Variants in FAT3 observed in about 807,000 individuals in gnomAD.
The protein encoded by FAT3 is protocadherin Fat 3.
FAT3 carries 95 observed loss-of-function variants against 310.2 expected under a neutral mutation model. The observed-to-expected ratio is 0.31, with a 90% CI of 0.26 to 0.36. The LOEUF (loss-of-function observed/expected upper bound fraction) is 0.36. FAT3 is among the 10% of genes least tolerant of loss of function. FAT3 has a pLI of 1.00. For missense variants in FAT3, 5,408 were observed against 5,715.6 expected, an observed-to-expected ratio of 0.95 and a Z score of 1.74; for synonymous variants, 2,314 against 2,192.9, an observed-to-expected ratio of 1.06 and a Z score of -1.54.
intron 2 of FAT3, among the ~76,000 whole-genome samples, chr11:92,437,279 A>G (rs1336055023): frequency 6.6e-6 from 1 of 152,184 alleles, no homozygotes; most frequent in Non-Finnish European, 1.5e-5. Flanking sequence ...TTTGGTAGTA[A>G]TTTAACCCAC....
At chr11:92,569,255 G>A (rs1200663542) in intron 3 of FAT3, among the ~76,000 whole-genome samples, 2 of 152,134 alleles carry the variant, frequency 1.3e-5, no homozygotes, top group Non-Finnish European at 2.9e-5. Flanking sequence ...TCAGTAAAAT[G>A]AAGATAACAA....
intron 3 of FAT3, among the ~76,000 whole-genome samples, chr11:92,580,433 A>G (rs1314636198): frequency 2.0e-5 from 3 of 151,980 alleles, no homozygotes; most frequent in Non-Finnish European, 4.4e-5. Context: ...TCTTTCTCCA[A>G]TCCTTTCCTC....
intron 1 of FAT3, among the ~76,000 whole-genome samples, chr11:92,267,615 A>G (rs1290763915): frequency 6.6e-6 from 1 of 152,052 alleles, no homozygotes; most frequent in Non-Finnish European, 1.5e-5. Flanking sequence ...AAAGAAAATG[A>G]TCTACCAGTT....
At chr11:92,436,986 T>C (rs748460337) in intron 2 of FAT3, among the ~76,000 whole-genome samples, 167 of 152,346 alleles carry the variant, frequency 1.1e-3, no homozygotes, top group Middle Eastern at 3.4e-3. Flanking sequence ...AGCCCTGTCT[T>C]TGGATGTTTA....
chr11:92,627,696 G>C (rs1941388965), intron 3 of FAT3, among the ~76,000 whole-genome samples: 1 of 152,186 alleles, frequency 6.6e-6, no homozygotes, highest in Admixed American at 6.5e-5. Context: ...ACTCTCTTTA[G>C]ACGTTCCTTA....
At chr11:92,843,588 C>T (rs78547936) in intron 18 of FAT3, among the ~76,000 whole-genome samples, 2,174 of 152,310 alleles carry the variant, frequency 0.014, 18 homozygotes, top group Non-Finnish European at 0.024. Context: ...GGAAAGACCA[C>T]TTTATGAGGT....
chr11:92,703,939 C>T (rs1051206031), intron 4 of FAT3, among the ~76,000 whole-genome samples: 2 of 152,178 alleles, frequency 1.3e-5, no homozygotes, highest in African/African-American at 2.4e-5. Context: ...TGTGCTCTCA[C>T]GTTATATAGA....
chr11:92,229,237 A>G (rs1864043969), intron 1 of FAT3, among the ~76,000 whole-genome samples: 1 of 152,142 alleles, frequency 6.6e-6, no homozygotes, highest in Non-Finnish European at 1.5e-5. Context: ...ACTGTTGAAT[A>G]TGTCATTTTC....
intron 4 of FAT3, among the ~76,000 whole-genome samples, chr11:92,728,439 G>C (rs889065016): frequency 6.6e-6 from 1 of 152,172 alleles, no homozygotes; most frequent in Non-Finnish European, 1.5e-5. Flanking sequence ...TTTGCTTGCA[G>C]TGTTTACAAA....
intron 3 of FAT3, among the ~76,000 whole-genome samples, chr11:92,659,368 A>G (rs1024900464): frequency 2.0e-5 from 3 of 152,210 alleles, no homozygotes; most frequent in Non-Finnish European, 4.4e-5. Context: ...TTTGTTGTAC[A>G]TTGAGTTTCT....
intron 1 of FAT3, among the ~76,000 whole-genome samples, chr11:92,263,530 A>C (rs1436780163): frequency 6.6e-5 from 10 of 152,026 alleles, no homozygotes; most frequent in Admixed American, 6.6e-4. Context: ...TCTGATGTGA[A>C]GATTACAGGA....
intron 4 of FAT3, among the ~76,000 whole-genome samples, chr11:92,710,375 C>T (rs1303914231): frequency 2.0e-5 from 3 of 152,146 alleles, no homozygotes; most frequent in Non-Finnish European, 4.4e-5. Flanking sequence ...CTTGTCACTG[C>T]AAATAACTTT....
In FAT3 at chr11:92,801,768, G is replaced by A. The variant is rs1374314389; in HGVS notation, c.8755G>A (p.Asp2919Asn). 1.9e-6 allele frequency: 3 copies of A among 1,613,912 alleles called. No homozygotes were observed. Among genetic ancestry groups the A allele is most frequent in the Admixed American group, 3.3e-5 (2 of 60,022 alleles). The change falls in exon 10 of 28, where the codon GAC becomes AAC. Residue 2919 changes from aspartate (D) to asparagine (N), a missense_variant. By Grantham distance (23) the Asp-to-Asn change is conservative. Transcript: ENST00000525166. ...CTCTGTCAGAGTGACAGATATAAAT[G>A]ACAATGCACCAGTCTTCGCGCAGGA... ...LVSVRVTDIN[D>N]NAPVFAQEVY...
intron 3 of FAT3, among the ~76,000 whole-genome samples, chr11:92,625,493 C>G (rs1941286623): frequency 6.6e-6 from 1 of 152,172 alleles, no homozygotes. Flanking sequence ...GCCTGCAACA[C>G]CAGCCTCTAG....
chr11:92,302,581 A>G (rs1280112788), intron 1 of FAT3, among the ~76,000 whole-genome samples: 1 of 152,122 alleles, frequency 6.6e-6, no homozygotes, highest in Non-Finnish European at 1.5e-5. Context: ...GTGGAATATT[A>G]TCTAACCTCT....
At chr11:92,875,712 C>T (rs570523626) in intron 22 of FAT3, among the ~76,000 whole-genome samples, 4 of 152,292 alleles carry the variant, frequency 2.6e-5, no homozygotes, top group Admixed American at 1.3e-4. Context: ...CCTCTTGGGA[C>T]CCTGTATGAG....
At chr11:92,364,987 C>T (rs2134688566) in intron 2 of FAT3, among the ~76,000 whole-genome samples, 1 of 152,334 alleles carries the variant, frequency 6.6e-6, no homozygotes, top group South Asian at 2.1e-4. Context: ...AGGCCAAGCA[C>T]AGCAGCTCAT....
intron 2 of FAT3, among the ~76,000 whole-genome samples, chr11:92,419,048 C>CTA (rs1483235483): frequency 6.6e-6 from 1 of 152,038 alleles, no homozygotes; most frequent in Non-Finnish European, 1.5e-5. Flanking sequence ...TTTCCCTAAC[C>CTA]CCCTCTCCAC....
Position 92,806,401 on chromosome 11 carries a change from A to G in FAT3, c.9133A>G (p.Asn3045Asp), listed in dbSNP as rs1351292645. 1.3e-6 allele frequency: 2 copies of G among 1,598,710 alleles called. No individual in the cohort carries two copies. The highest frequency in any genetic ancestry group is 1.3e-5 in the African/African-American group (1 of 74,944). The change falls in exon 12 of 28, where the codon AAT becomes GAT. Residue 3045 changes from asparagine (N) to aspartate (D), a missense_variant. Physicochemically the swap from Asn to Asp is conservative, Grantham distance 23 (BLOSUM62 1). Transcript: ENST00000525166. Reference protein sequence around the residue: ...TALLPEDIPSNKIILKVSAKD... With the variant: ...TALLPEDIPSDKIILKVSAKD... ...ATTACTTCCTGAAGACATTCCATCA[A>G]ATAAAATCATCCTGAAAGTCAGTGC... is the stretch of plus-strand genomic sequence containing the variant.
Sources: gnomAD v4.1 joint callset for allele counts (sites outside exome capture counted in the v4.1 genomes callset) on GRCh38, gnomAD v4.1.1 for gene constraint, MANE v1.5 for transcripts, NCBI Gene and HGNC (gene_info 2026-07-23, HGNC 2026-07-21) for gene names.